The following EYA1 variants were observed in gnomAD, a reference collection of about 807,000 sequenced individuals.
The protein encoded by EYA1 is protein phosphatase EYA1.
EYA1 carries 16 observed loss-of-function variants against 82.0 expected under a neutral mutation model. That is an observed-to-expected ratio of 0.20 (90% CI 0.13 to 0.30). The LOEUF is 0.30. Among genes scored for constraint, EYA1 ranks in the 10% least tolerant of loss-of-function variants. EYA1 has a pLI of 1.00. For missense variants in EYA1, 633 were observed against 730.7 expected (o/e 0.87, Z 1.54); for synonymous variants, 261 against 264.4 (o/e 0.99, Z 0.12).
chr8:71,283,663 A>C (rs1348977414), intron 9 of EYA1, among the ~76,000 whole-genome samples: 1 of 152,108 alleles, frequency 6.6e-6, no homozygotes, highest in African/African-American at 2.4e-5. Flanking sequence ...AATACTTATC[A>C]ATGTCTTCAT....
chr8:71,497,943 A>G (rs998151961), intron 2 of EYA1, among the ~76,000 whole-genome samples: 1 of 152,200 alleles, frequency 6.6e-6, no homozygotes, highest in African/African-American at 2.4e-5. Context: ...AATTAAATAA[A>G]CCAGGAGCAG....
intron 3 of EYA1, among the ~76,000 whole-genome samples, chr8:71,348,715 C>T (rs908190023): frequency 2.6e-5 from 4 of 152,168 alleles, no homozygotes; most frequent in African/African-American, 9.7e-5. Context: ...TCTTTTACTC[C>T]CAGCCATTCT....
At chr8:71,258,160 C>T (rs1814664977) in intron 11 of EYA1, among the ~76,000 whole-genome samples, 3 of 152,314 alleles carry the variant, frequency 2.0e-5, no homozygotes, top group South Asian at 2.1e-4. Flanking sequence ...ACAGCCTCCT[C>T]TGTTAATTTA....
At chr8:71,350,838 C>T (rs757412942) in intron 3 of EYA1, among the ~76,000 whole-genome samples, 61 of 152,054 alleles carry the variant, frequency 4.0e-4, no homozygotes, top group Non-Finnish European at 8.4e-4. Flanking sequence ...AGACAACCAG[C>T]GAAAACAAAG....
In EYA1 at chr8:71,214,663, C is replaced by T. The variant is rs573336718; in HGVS notation, c.1597+724G>A. Reference sequence around the variant, plus strand: ...TACTTAAGTCTCTGGACTTTAGTTTCCTCATTTGTAAAATGGAAAGATTAT... The same window carrying T: ...TACTTAAGTCTCTGGACTTTAGTTTTCTCATTTGTAAAATGGAAAGATTAT... On this transcript the variant is annotated intron_variant, in intron 16 of 17. Coordinates refer to ENST00000340726, the MANE Select transcript of EYA1 (RefSeq NM_000503.6). Among the ~76,000 whole-genome samples, 12 of 152,176 alleles carry T rather than the reference C, an allele frequency of 7.9e-5. No homozygotes were observed. In the East Asian group the frequency reaches 2.3e-3, roughly 29 times the overall value.
intron 2 of EYA1, among the ~76,000 whole-genome samples, chr8:71,498,381 C>T (rs1036001004): frequency 6.6e-6 from 1 of 152,144 alleles, no homozygotes. Flanking sequence ...TCACATTAGT[C>T]TCTTGCCATG....
Position 71,209,351 on chromosome 8 carries a change from G to A in EYA1, c.1698+1805C>T, listed in dbSNP as rs76870348. 7.5e-3 allele frequency among the ~76,000 whole-genome samples: 1,135 copies of A among 152,312 alleles called. 48 individuals are homozygous for A. The East Asian group carries it at 0.094, about 13-fold the overall frequency. On this transcript the variant is annotated intron_variant, in intron 17 of 17. Coordinates refer to ENST00000340726, the MANE Select transcript of EYA1 (RefSeq NM_000503.6). ...CACCCAATGACACTAGTGGTTGGTC[G>A]TCGGTGAAGTGGGAAGATTAGAACT...
intron 4 of EYA1, among the ~76,000 whole-genome samples, chr8:71,330,865 G>GT (rs767962132): frequency 5.7e-4 from 87 of 152,074 alleles, no homozygotes; most frequent in Non-Finnish European, 1.1e-3. Context: ...GTGTGTGTGT[G>GT]TGTGTGTGTG....
intron 2 of EYA1, among the ~76,000 whole-genome samples, chr8:71,501,028 C>T (rs1811774783): frequency 6.6e-6 from 1 of 152,172 alleles, no homozygotes; most frequent in African/African-American, 2.4e-5. Context: ...TGGTGTCAAG[C>T]CATAGAAGGT....
intron 2 of EYA1, among the ~76,000 whole-genome samples, chr8:71,464,769 A>T (rs1808657011): frequency 1.3e-5 from 2 of 152,208 alleles, no homozygotes; most frequent in African/African-American, 4.8e-5. Context: ...TTTAAATTCA[A>T]TAATAATATG....
At chr8:71,379,722 G>A (rs1303747332) in intron 2 of EYA1, among the ~76,000 whole-genome samples, 1 of 152,130 alleles carries the variant, frequency 6.6e-6, no homozygotes, top group African/African-American at 2.4e-5. Flanking sequence ...TAAATGTCAA[G>A]CTCATCATAT....
chr8:71,526,005 G>C (rs549554568), intron 2 of EYA1, among the ~76,000 whole-genome samples: 2 of 152,234 alleles, frequency 1.3e-5, no homozygotes, highest in African/African-American at 4.8e-5. Flanking sequence ...TGGCCTAGAA[G>C]GCAAATAGCC....
At chr8:71,485,057 T>C (rs1810459011) in intron 2 of EYA1, among the ~76,000 whole-genome samples, 3 of 152,234 alleles carry the variant, frequency 2.0e-5, no homozygotes, top group Admixed American at 2.0e-4. Context: ...ACAAAAACTC[T>C]AGGAGGATCT....
chr8:71,547,618 T>A (rs929957246), intron 1 of EYA1: 1 of 151,738 alleles, frequency 6.6e-6, no homozygotes, highest in Non-Finnish European at 1.5e-5. Flanking sequence ...CGGGCGCCGA[T>A]CGCCGCCCTC....
chr8:71,390,150 T>C (rs11987329), intron 2 of EYA1, among the ~76,000 whole-genome samples: 3,726 of 152,292 alleles, frequency 0.024, 146 homozygotes, highest in African/African-American at 0.082. Context: ...GACAAAAATA[T>C]TTTGGTTATG....
intron 9 of EYA1, among the ~76,000 whole-genome samples, chr8:71,285,237 C>A (rs966212096): frequency 1.3e-5 from 2 of 152,184 alleles, no homozygotes; most frequent in Non-Finnish European, 2.9e-5. Flanking sequence ...GAGAAGTGTG[C>A]TTTCTTAGTA....
At chr8:71,238,728 T>C (rs1410918428) in intron 12 of EYA1, among the ~76,000 whole-genome samples, 2 of 152,268 alleles carry the variant, frequency 1.3e-5, no homozygotes, top group East Asian at 3.9e-4. Context: ...TTCAGTCTTC[T>C]ACATATCAAA....
At chr8:71,281,651 G>C (rs1412377493) in intron 9 of EYA1, among the ~76,000 whole-genome samples, 1 of 152,236 alleles carries the variant, frequency 6.6e-6, no homozygotes, top group East Asian at 1.9e-4. Flanking sequence ...GATTTAACAA[G>C]TACCTGTGGC....
intron 3 of EYA1, among the ~76,000 whole-genome samples, chr8:71,351,947 G>A (rs1296132582): frequency 6.6e-6 from 1 of 152,184 alleles, no homozygotes; most frequent in Non-Finnish European, 1.5e-5. Context: ...CTAAATGGAA[G>A]TTCTGTCGAC....
Sources: gnomAD v4.1 joint callset for allele counts (sites outside exome capture counted in the v4.1 genomes callset) on GRCh38, gnomAD v4.1.1 for gene constraint, MANE v1.5 for transcripts, NCBI Gene and HGNC (gene_info 2026-07-23, HGNC 2026-07-21) for gene names.